The following PSD3 variants were observed in gnomAD, a reference collection of about 807,000 sequenced individuals.
PSD3 encodes the protein pleckstrin and Sec7 domain containing 3, also known as PH and SEC7 domain-containing protein 3.
Under a neutral mutation model 105.5 loss-of-function variants are expected in PSD3, and 49 were observed. That is an observed-to-expected ratio of 0.46 (90% CI 0.37 to 0.59). PSD3 has a LOEUF of 0.59. Among genes scored for constraint, PSD3 ranks in the 20% least tolerant of loss-of-function variants. PSD3 has a pLI of 0.00. For synonymous variants in PSD3, 557 were observed against 457.8 expected, an observed-to-expected ratio of 1.22 and a Z score of -2.77; for missense variants, 1,561 against 1,263.8, an observed-to-expected ratio of 1.24 and a Z score of -3.57.
At chr8:19,075,257 G>C (rs1266667369) in intron 1 of PSD3, among the ~76,000 whole-genome samples, 1 of 151,930 alleles carries the variant, frequency 6.6e-6, no homozygotes, top group East Asian at 1.9e-4. Flanking sequence ...CATTAATTAC[G>C]AATTTTTAAA....
At chr8:18,667,658 G>A (rs898590540) in intron 9 of PSD3, among the ~76,000 whole-genome samples, 4 of 152,294 alleles carry the variant, frequency 2.6e-5, no homozygotes, top group Admixed American at 1.3e-4. Flanking sequence ...AGAGCTGCCC[G>A]CCAGTCCCGC....
chr8:18,861,693 G>C (rs552961754), intron 4 of PSD3, among the ~76,000 whole-genome samples: 1 of 152,092 alleles, frequency 6.6e-6, no homozygotes, highest in Non-Finnish European at 1.5e-5. Flanking sequence ...CTTTTTACCA[G>C]GCTATTTCTT....
intron 14 of PSD3, among the ~76,000 whole-genome samples, chr8:18,568,471 G>C (rs927662587): frequency 6.8e-6 from 1 of 146,722 alleles, no homozygotes; most frequent in African/African-American, 2.4e-5. Context: ...GAGACAGTGA[G>C]GTGAGACTCC....
chr8:18,731,926 T>C (rs556611689), intron 9 of PSD3, among the ~76,000 whole-genome samples: 155 of 152,310 alleles, frequency 1.0e-3, no homozygotes, highest in Non-Finnish European at 1.5e-3. Context: ...GCACAGCTAT[T>C]TGAGGAGTCT....
At chr8:18,724,299 G>T (rs1459580760) in intron 9 of PSD3, among the ~76,000 whole-genome samples, 4 of 152,128 alleles carry the variant, frequency 2.6e-5, no homozygotes, top group Non-Finnish European at 5.9e-5. Flanking sequence ...TAATATTAAA[G>T]CCAGAAATCT....
At chr8:18,923,111 C>G (rs1046494972) in intron 2 of PSD3, among the ~76,000 whole-genome samples, 9 of 152,146 alleles carry the variant, frequency 5.9e-5, no homozygotes, top group Non-Finnish European at 1.2e-4. Flanking sequence ...TGTCCAATCT[C>G]TTGGCTTCCC....
At chr8:18,931,406 C>T (rs971569974) in intron 2 of PSD3, among the ~76,000 whole-genome samples, 3 of 152,184 alleles carry the variant, frequency 2.0e-5, no homozygotes, top group Non-Finnish European at 4.4e-5. Flanking sequence ...CCATTCACAT[C>T]TAAGTCCAGC....
intron 2 of PSD3, among the ~76,000 whole-genome samples, chr8:18,879,657 T>C (rs896426484): frequency 2.0e-5 from 3 of 152,158 alleles, no homozygotes; most frequent in Non-Finnish European, 4.4e-5. Context: ...GGCACCATCA[T>C]AGCTCACTGC....
intron 1 of PSD3, among the ~76,000 whole-genome samples, chr8:19,018,874 G>A (rs1009897263): frequency 1.4e-4 from 21 of 152,260 alleles, no homozygotes; most frequent in African/African-American, 4.8e-4. Context: ...TCAGCTCACT[G>A]CAGCCTCCGC....
intron 1 of PSD3, among the ~76,000 whole-genome samples, chr8:18,947,475 T>A (rs1281461812): frequency 6.6e-6 from 1 of 152,110 alleles, no homozygotes; most frequent in African/African-American, 2.4e-5. Flanking sequence ...CCATTTCCAG[T>A]GTGAAAGACG....
intron 8 of PSD3, among the ~76,000 whole-genome samples, chr8:18,798,821 T>A (rs959161129): frequency 1.3e-5 from 2 of 152,310 alleles, no homozygotes; most frequent in South Asian, 4.1e-4. Context: ...AAGTAGATGA[T>A]GAGACGGTAA....
At chr8:18,929,050 C>T (rs914078292) in intron 2 of PSD3, among the ~76,000 whole-genome samples, 17 of 152,230 alleles carry the variant, frequency 1.1e-4, no homozygotes, top group Admixed American at 7.2e-4. Flanking sequence ...ATTCTATGAA[C>T]GTACTAAAAA....
chr8:18,556,616 T>G (rs1331494958), intron 14 of PSD3, among the ~76,000 whole-genome samples: 1 of 152,124 alleles, frequency 6.6e-6, no homozygotes, highest in Admixed American at 6.5e-5. Flanking sequence ...CTTTATCAGG[T>G]GTAAATGCCC....
At chr8:19,019,437 T>C (rs1005896206) in intron 1 of PSD3, among the ~76,000 whole-genome samples, 1 of 152,222 alleles carries the variant, frequency 6.6e-6, no homozygotes, top group South Asian at 2.1e-4. Flanking sequence ...TTTAAATACA[T>C]AAGCAACTCT....
chr8:18,584,952 A>G (rs1803069392), intron 12 of PSD3, among the ~76,000 whole-genome samples: 1 of 152,122 alleles, frequency 6.6e-6, no homozygotes, highest in South Asian at 2.1e-4. Context: ...CTTTGGTAAA[A>G]TTTCTCTAAC....
chr8:18,676,275 T>C (rs1800058501), intron 9 of PSD3, among the ~76,000 whole-genome samples: 1 of 152,144 alleles, frequency 6.6e-6, no homozygotes, highest in Non-Finnish European at 1.5e-5. Flanking sequence ...CCCAAAAGAA[T>C]GTGTTCAAAT....
chr8:18,823,758 TG>T (rs1812937063), intron 4 of PSD3, among the ~76,000 whole-genome samples: 1 of 147,484 alleles, frequency 6.8e-6, no homozygotes, highest in Admixed American at 7.1e-5. Context: ...CAATTACACA[TG>T]GTGCTTTATC....
intron 8 of PSD3, among the ~76,000 whole-genome samples, chr8:18,788,045 C>A (rs768363811): frequency 1.3e-5 from 2 of 152,138 alleles, no homozygotes; most frequent in African/African-American, 2.4e-5. Flanking sequence ...TGGCTATTTA[C>A]GATAACACTG....
intron 10 of PSD3, among the ~76,000 whole-genome samples, chr8:18,643,710 T>C (rs1385968739): frequency 6.6e-6 from 1 of 152,230 alleles, no homozygotes; most frequent in Non-Finnish European, 1.5e-5. Context: ...AACACTGGAA[T>C]TGGGGTTGGG....
Sources: allele counts gnomAD v4.1 joint callset (sites outside exome capture counted in the v4.1 genomes callset), GRCh38; gene constraint gnomAD v4.1.1; transcripts MANE v1.5; gene names NCBI Gene and HGNC (gene_info 2026-07-23, HGNC 2026-07-21).